Variants in ENOX1 observed in about 807,000 individuals in gnomAD.
ENOX1 encodes ecto-NOX disulfide-thiol exchanger 1.
A neutral mutation model predicts 82.5 loss-of-function variants in ENOX1; 42 were observed. That is an observed-to-expected ratio of 0.51 (90% confidence interval 0.40 to 0.66). The LOEUF is 0.66. ENOX1 is among the 30% of genes least tolerant of loss of function. ENOX1 has a pLI of 0.00. For missense variants in ENOX1, 608 were observed against 811.6 expected (o/e 0.75, Z 3.05); for synonymous variants, 271 against 282.2 (o/e 0.96, Z 0.40).
intron 9 of ENOX1, among the ~76,000 whole-genome samples, chr13:43,337,044 T>C (rs145657407): frequency 8.2e-4 from 125 of 152,344 alleles, no homozygotes; most frequent in African/African-American, 2.9e-3. Flanking sequence ...CTAATACTCC[T>C]ACTGTAAAAT....
intron 2 of ENOX1, among the ~76,000 whole-genome samples, chr13:43,621,415 G>T (rs1053648487): frequency 6.6e-6 from 1 of 152,032 alleles, no homozygotes; most frequent in Non-Finnish European, 1.5e-5. Context: ...AGATTTAGAG[G>T]TCCTTTTAGC....
At chr13:43,391,730 C>G (rs1027172176) in intron 5 of ENOX1, among the ~76,000 whole-genome samples, 3 of 152,170 alleles carry the variant, frequency 2.0e-5, no homozygotes, top group Non-Finnish European at 4.4e-5. Flanking sequence ...TGCCCCAAGT[C>G]AAAGCCCTAC....
intron 2 of ENOX1, among the ~76,000 whole-genome samples, chr13:43,586,847 G>A (rs915663921): frequency 3.3e-5 from 5 of 151,676 alleles, no homozygotes; most frequent in Admixed American, 6.6e-5. Context: ...GGTGGATCAC[G>A]AGATCAGGAG....
At chr13:43,752,629 C>A (rs1594687018) in intron 1 of ENOX1, among the ~76,000 whole-genome samples, 1 of 152,072 alleles carries the variant, frequency 6.6e-6, no homozygotes, top group East Asian at 1.9e-4. Context: ...AAAAATTAAT[C>A]CTTTCTCCAC....
rs1413929465 is a variant in ENOX1 at position 43,412,005 on chromosome 13, A to G, written c.119T>C (p.Met40Thr). Residue 40 changes from methionine to threonine, a missense_variant, in exon 5 of 17, where the codon ATG (methionine) becomes ACG (threonine). Transcript: ENST00000690772. ...CCAGGCTGTGGGATCTGTCACGGACATGTTGAGCTGGGTCGTGTCTATCGC... is the reference window on the plus strand; with the variant it reads ...CCAGGCTGTGGGATCTGTCACGGACGTGTTGAGCTGGGTCGTGTCTATCGC... ...SIAIDTTQLNMSVTDPTAWAT... is the reference protein window; with the variant it reads ...SIAIDTTQLNTSVTDPTAWAT... 2 of 1,614,174 alleles carry G rather than the reference A, an allele frequency of 1.2e-6. No individual in the cohort carries two copies. The highest frequency in any genetic ancestry group is 2.7e-5 in the African/African-American group (2 of 75,052).
At chr13:43,292,523 C>T (rs1327260362) in intron 12 of ENOX1, among the ~76,000 whole-genome samples, 2 of 152,088 alleles carry the variant, frequency 1.3e-5, no homozygotes, top group Non-Finnish European at 2.9e-5. Context: ...TGCAGCCCTG[C>T]ATTTGCTCAG....
At chr13:43,521,195 T>C (rs1280895123) in intron 2 of ENOX1, among the ~76,000 whole-genome samples, 1 of 152,156 alleles carries the variant, frequency 6.6e-6, no homozygotes, top group Admixed American at 6.5e-5. Context: ...ACAGGTTTTT[T>C]TCTATAGTAA....
chr13:43,297,837 G>A (rs2153506714), intron 12 of ENOX1, among the ~76,000 whole-genome samples: 1 of 148,786 alleles, frequency 6.7e-6, no homozygotes, highest in South Asian at 2.1e-4. Context: ...GATGCTTCAT[G>A]TATTCCATCA....
chr13:43,584,901 T>C (rs570494838), intron 2 of ENOX1, among the ~76,000 whole-genome samples: 1 of 152,260 alleles, frequency 6.6e-6, no homozygotes, highest in East Asian at 1.9e-4. Context: ...TACCCAGCTG[T>C]CCCAGTTTGT....
intron 1 of ENOX1, among the ~76,000 whole-genome samples, chr13:43,672,474 G>A (rs777683265): frequency 1.3e-5 from 2 of 151,966 alleles, no homozygotes; most frequent in East Asian, 1.9e-4. Context: ...ATGTCCATAC[G>A]AAGGCTTCTT....
chr13:43,542,635 C>T (rs900721176), intron 2 of ENOX1, among the ~76,000 whole-genome samples: 4 of 151,918 alleles, frequency 2.6e-5, no homozygotes, highest in Non-Finnish European at 4.4e-5. Flanking sequence ...GGGGTTTCAC[C>T]GTGTTGCCCA....
rs1413524103 is a variant in ENOX1, at chr13:43,396,905, C to T, written c.208+15011G>A. 2.6e-5 allele frequency among the ~76,000 whole-genome samples: 4 copies of T among 152,256 alleles called. No individual in the cohort carries two copies. In the East Asian group the frequency reaches 5.8e-4, roughly 22 times the overall value. ...TGACAGCTAGGCACCACAAGGGCCT[C>T]GAAATCTGTGCAACTTGCCCATGGC... On this transcript the variant is annotated intron_variant, in intron 5 of 16. Coordinates refer to ENST00000690772, the MANE Select transcript of ENOX1 (RefSeq NM_001347969.2).
intron 2 of ENOX1, among the ~76,000 whole-genome samples, chr13:43,642,920 T>C (rs2083718411): frequency 6.6e-6 from 1 of 152,190 alleles, no homozygotes; most frequent in African/African-American, 2.4e-5. Context: ...GAAATATTAA[T>C]ATTTGTGTCC....
chr13:43,372,310 G>A (rs150379218), intron 5 of ENOX1, among the ~76,000 whole-genome samples: 53 of 152,338 alleles, frequency 3.5e-4, no homozygotes, highest in African/African-American at 1.2e-3. Context: ...GAGGCACAAG[G>A]AATGAAGGTG....
intron 3 of ENOX1, among the ~76,000 whole-genome samples, chr13:43,441,369 G>A (rs1316613815): frequency 3.3e-5 from 5 of 152,108 alleles, no homozygotes; most frequent in Non-Finnish European, 7.4e-5. Context: ...TACAAGGGCT[G>A]TATGTTTTTA....
chr13:43,487,667 T>C (rs543001472), intron 2 of ENOX1, among the ~76,000 whole-genome samples: 10 of 152,288 alleles, frequency 6.6e-5, no homozygotes, highest in Non-Finnish European at 1.3e-4. Context: ...ATTTAAATCA[T>C]AGGGCTTGAG....
chr13:43,316,474 T>C (rs1369123507), intron 11 of ENOX1, among the ~76,000 whole-genome samples: 2 of 152,210 alleles, frequency 1.3e-5, no homozygotes, highest in African/African-American at 4.8e-5. Flanking sequence ...ATAAAGGGGC[T>C]AAGCTTAAAG....
chr13:43,564,235 TAGA>T (rs766017728), intron 2 of ENOX1, among the ~76,000 whole-genome samples: 1 of 152,248 alleles, frequency 6.6e-6, no homozygotes, highest in African/African-American at 2.4e-5. Flanking sequence ...GTTTATGGAT[TAGA>T]AGAATTAATA....
At chr13:43,701,338 A>G (rs2086897150) in intron 1 of ENOX1, among the ~76,000 whole-genome samples, 1 of 152,212 alleles carries the variant, frequency 6.6e-6, no homozygotes, top group African/African-American at 2.4e-5. Context: ...CAAAAGACTT[A>G]GATTGTTCAT....
Sources: gnomAD v4.1 joint callset for allele counts (sites outside exome capture counted in the v4.1 genomes callset) on GRCh38, gnomAD v4.1.1 for gene constraint, MANE v1.5 for transcripts, NCBI Gene and HGNC (gene_info 2026-07-23, HGNC 2026-07-21) for gene names.